The following DCAF8L2 variants were observed in gnomAD, a reference collection of about 807,000 sequenced individuals.
DCAF8L2 encodes the protein DDB1 and CUL4 associated factor 8 like 2.
For synonymous variants in DCAF8L2, 200 were observed against 190.9 expected, an observed-to-expected ratio of 1.05 and a Z score of -0.39; for missense variants, 430 against 490.7, an observed-to-expected ratio of 0.88 and a Z score of 1.17.
At chrX:27,532,341 AG>A in the DCAF8L2 span, among the ~76,000 whole-genome samples, 1 of 111,815 alleles carries the variant, frequency 8.9e-6, no homozygotes, top group Non-Finnish European at 1.9e-5. Context: ...ACATATCAAA[AG>A]GACACAGGCA....
rs761456499 is a variant in DCAF8L2 at position 27,604,874 on chromosome X, T to A, written c.-342+14434T>A. Among the ~76,000 whole-genome samples, 6 of 112,158 alleles carry A rather than the reference T, an allele frequency of 5.3e-5. No individual in the cohort carries two copies. In the East Asian group the frequency reaches 1.7e-3, roughly 31 times the overall value. On this transcript the variant is annotated intron_variant, in intron 1 of 4. Coordinates refer to ENST00000451261, the MANE Select transcript of DCAF8L2 (RefSeq NM_001353450.2). The stretch of plus-strand genomic sequence containing the variant: ...ATAGGCAGTCTGATGGTGAACAAAT[T>A]CAGTGGAGAATGTTGAGTAGCTACA...
the DCAF8L2 span, among the ~76,000 whole-genome samples, chrX:27,498,749 C>T: frequency 8.5e-4 from 95 of 112,296 alleles, 1 homozygote; most frequent in African/African-American, 2.7e-3. Context: ...CACCCTTCTA[C>T]TCTGCATCTG....
the DCAF8L2 span, among the ~76,000 whole-genome samples, chrX:27,511,889 A>T: frequency 2.7e-5 from 3 of 112,088 alleles, no homozygotes; most frequent in Non-Finnish European, 5.6e-5. Context: ...GAAAGAAATC[A>T]GGAAAGCAAT....
rs189116784 is a variant in DCAF8L2, at chrX:27,738,563, A to G, written c.-58-8275A>G. 6.4e-4 allele frequency among the ~76,000 whole-genome samples: 72 copies of G among 112,153 alleles called. No individual in the cohort carries two copies. In the East Asian group the frequency reaches 8.1e-3, roughly 13 times the overall value. On this transcript the variant is annotated intron_variant, in intron 4 of 4. Transcript: ENST00000451261. ...CATCCCCAACTCTCTGTCATCCTCA[A>G]CTAGCAAAAGAATTTGGAATTTACT...
chrX:27,533,172 A>G, the DCAF8L2 span, among the ~76,000 whole-genome samples: 287 of 13,152 alleles, frequency 0.022, 5 homozygotes, highest in African/African-American at 0.049. Context: ...GAGAGAAAGA[A>G]AGAAAGAAAG....
chrX:27,492,346 A>G, the DCAF8L2 span, among the ~76,000 whole-genome samples: 1 of 112,195 alleles, frequency 8.9e-6, no homozygotes, highest in Non-Finnish European at 1.9e-5. Context: ...ACTTTTGACT[A>G]TTACATATAA....
chrX:27,599,955 T>C (rs375515010), intron 1 of DCAF8L2, among the ~76,000 whole-genome samples: 2 of 111,694 alleles, frequency 1.8e-5, no homozygotes, highest in East Asian at 5.6e-4. Context: ...AAAAGAAAAA[T>C]CCAAGTTTAA....
chrX:27,609,845 CTGATAGTAGATTGCTGTATTT>C (rs1341917124), intron 1 of DCAF8L2, among the ~76,000 whole-genome samples: 3 of 111,732 alleles, frequency 2.7e-5, no homozygotes, highest in Admixed American at 9.6e-5. Flanking sequence ...ATTATGTTGT[CTGATAGTAGATTGCTGTATTT>C]TGTCACCATT....
Position 27,748,317 on chromosome X carries a change from T to G in DCAF8L2, c.1422T>G (p.Gly474=). Residue 474 remains glycine, a synonymous_variant, in exon 5 of 5, where the codon GGT becomes GGG. Coordinates refer to ENST00000451261, the MANE Select transcript of DCAF8L2 (RefSeq NM_001353450.2). ...ACAGAAATAATACCACAGTCAAAGGTGTTAATTTCTATGGCCCCAGGAGTG... is the reference window on the plus strand; with the variant it reads ...ACAGAAATAATACCACAGTCAAAGGGGTTAATTTCTATGGCCCCAGGAGTG... The part of the protein sequence containing the change: ...KGHRNNTTVK[G]VNFYGPRSEF... 8.3e-7 allele frequency: 1 copy of G among 1,209,426 alleles called. No homozygotes were observed. The highest frequency in any genetic ancestry group is 1.1e-6 in the Non-Finnish European group (1 of 894,122).
chrX:27,540,442 C>T, the DCAF8L2 span, among the ~76,000 whole-genome samples: 1 of 110,950 alleles, frequency 9.0e-6, no homozygotes, highest in Non-Finnish European at 1.9e-5. Flanking sequence ...GCTCGGAGGA[C>T]ATTATATTAA....
intron 2 of DCAF8L2, among the ~76,000 whole-genome samples, chrX:27,641,857 C>T (rs1042306383): frequency 9.3e-6 from 1 of 107,373 alleles, no homozygotes; most frequent in Admixed American, 1.0e-4. Context: ...TTCTCTTTAT[C>T]ACTAGTTTCA....
the DCAF8L2 span, among the ~76,000 whole-genome samples, chrX:27,493,348 T>C: frequency 8.9e-6 from 1 of 111,899 alleles, no homozygotes; most frequent in Non-Finnish European, 1.9e-5. Flanking sequence ...TTCAACAATT[T>C]TAAATGAATA....
the DCAF8L2 span, among the ~76,000 whole-genome samples, chrX:27,472,486 C>T: frequency 0.041 from 4,562 of 111,234 alleles, 243 homozygotes; most frequent in African/African-American, 0.14. Context: ...CCTATCAACC[C>T]GTCACCTAGG....
chrX:27,507,273 T>A, the DCAF8L2 span, among the ~76,000 whole-genome samples: 1 of 111,859 alleles, frequency 8.9e-6, no homozygotes, highest in African/African-American at 3.2e-5. Flanking sequence ...TATTTTTCCC[T>A]TGTTATACCT....
chrX:27,514,208 ATG>A, the DCAF8L2 span, among the ~76,000 whole-genome samples: 1 of 73,458 alleles, frequency 1.4e-5, no homozygotes, highest in Non-Finnish European at 2.5e-5. Context: ...ATGTACATGT[ATG>A]TGTGCTATGT....
intron 4 of DCAF8L2, among the ~76,000 whole-genome samples, chrX:27,733,724 T>C (rs1921360486): frequency 9.0e-6 from 1 of 111,303 alleles, no homozygotes. Context: ...AAGATAAGGG[T>C]TCAATTTCAT....
At chrX:27,586,447 C>CA (rs1255716767), upstream of DCAF8L2, among the ~76,000 whole-genome samples, 3 of 111,045 alleles carry the variant, frequency 2.7e-5, no homozygotes, top group African/African-American at 9.8e-5. Context: ...ACTTTTAATG[C>CA]AAAAAATGCA....
chrX:27,499,840 G>A, the DCAF8L2 span, among the ~76,000 whole-genome samples: 1 of 108,478 alleles, frequency 9.2e-6, no homozygotes, highest in African/African-American at 3.4e-5. Flanking sequence ...TGGTGGTGGG[G>A]GGGGGTACAG....
chrX:27,580,465 G>A, the DCAF8L2 span, among the ~76,000 whole-genome samples: 2 of 111,330 alleles, frequency 1.8e-5, no homozygotes, highest in African/African-American at 3.3e-5. Context: ...TAGAAGTGAC[G>A]GAATCTTTTA....
Sources: allele counts gnomAD v4.1 joint callset (sites outside exome capture counted in the v4.1 genomes callset), GRCh38; gene constraint gnomAD v4.1.1; transcripts MANE v1.5; gene names NCBI Gene and HGNC (gene_info 2026-07-23, HGNC 2026-07-21).